Variants in AFF3 observed in about 807,000 individuals in gnomAD.
AFF3 encodes ALF transcription elongation factor 3, also known as AF4/FMR2 family member 3.
AFF3 carries 32 observed loss-of-function variants against 129.7 expected under a neutral mutation model. The ratio of observed to expected loss-of-function variants is 0.25; its 90% CI spans 0.19 to 0.33. AFF3 has a LOEUF of 0.33. Among genes scored for constraint, AFF3 ranks in the 10% least tolerant of loss-of-function variants. The probability of loss-of-function intolerance (pLI) is 1.00; values close to 1 mark genes in which losing one functional copy is unlikely to be tolerated. For synonymous variants in AFF3, 644 were observed against 635.4 expected (o/e 1.01, Z -0.20); for missense variants, 1,373 against 1,592.0 (o/e 0.86, Z 2.34).
At chr2:99,919,375 G>C (rs917528788) in intron 7 of AFF3, among the ~76,000 whole-genome samples, 7 of 152,022 alleles carry the variant, frequency 4.6e-5, no homozygotes, top group Non-Finnish European at 2.9e-5. Flanking sequence ...TATTTCTGGA[G>C]GTGTTAGTTT....
At chr2:99,973,025 A>C (rs1459062829) in intron 7 of AFF3, among the ~76,000 whole-genome samples, 1 of 152,194 alleles carries the variant, frequency 6.6e-6, no homozygotes, top group Non-Finnish European at 1.5e-5. Flanking sequence ...TGGGCATAAT[A>C]GTAGGCTTTT....
chr2:99,631,026 G>T (rs774726282), intron 13 of AFF3: 185 of 461,654 alleles, frequency 4.0e-4, no homozygotes, highest in Non-Finnish European at 7.5e-4. Flanking sequence ...CTGAAGACAG[G>T]GAAACACTGT....
At chr2:99,757,382 TA>T (rs1423567808) in intron 8 of AFF3, among the ~76,000 whole-genome samples, 3 of 152,236 alleles carry the variant, frequency 2.0e-5, no homozygotes, top group Admixed American at 2.0e-4. Context: ...CAACATCTAT[TA>T]ACTCTTCAAG....
intron 4 of AFF3, among the ~76,000 whole-genome samples, chr2:100,042,619 G>T (rs1466186127): frequency 6.6e-6 from 1 of 152,108 alleles, no homozygotes; most frequent in Admixed American, 6.5e-5. Flanking sequence ...AAAAAATTTA[G>T]CAGCTGCATA....
chr2:100,021,845 CTG>C (rs905643678), intron 4 of AFF3, among the ~76,000 whole-genome samples: 5 of 152,128 alleles, frequency 3.3e-5, no homozygotes, highest in African/African-American at 1.2e-4. Flanking sequence ...TGCATGGAAA[CTG>C]TGGATATTAA....
At chr2:99,832,118 G>A (rs370054659) in intron 8 of AFF3, among the ~76,000 whole-genome samples, 1 of 152,192 alleles carries the variant, frequency 6.6e-6, no homozygotes, top group Non-Finnish European at 1.5e-5. Context: ...CAAACGCCCC[G>A]TGAAAAGATA....
At chr2:100,069,232 C>T (rs1422260923) in intron 4 of AFF3, among the ~76,000 whole-genome samples, 1 of 152,072 alleles carries the variant, frequency 6.6e-6, no homozygotes, top group Non-Finnish European at 1.5e-5. Flanking sequence ...CAAGTGTGAC[C>T]TCCAAATCAA....
At chr2:99,833,531 G>C (rs536011133) in intron 8 of AFF3, among the ~76,000 whole-genome samples, 6 of 152,204 alleles carry the variant, frequency 3.9e-5, no homozygotes, top group African/African-American at 1.2e-4. Context: ...GTCCAAACCA[G>C]AATCTCAAAC....
intron 12 of AFF3, among the ~76,000 whole-genome samples, chr2:99,652,138 A>T (rs1252938488): frequency 6.6e-6 from 1 of 152,180 alleles, no homozygotes; most frequent in Non-Finnish European, 1.5e-5. Flanking sequence ...ATCAGTCAGG[A>T]AAGCCTTCCC....
chr2:99,680,700 A>T (rs924259924), intron 11 of AFF3, among the ~76,000 whole-genome samples: 5 of 152,218 alleles, frequency 3.3e-5, no homozygotes, highest in Admixed American at 3.3e-4. Context: ...TGAATCTGTA[A>T]GGGTCATAAC....
At chr2:99,834,936 C>G (rs1400944936) in intron 8 of AFF3, among the ~76,000 whole-genome samples, 1 of 152,184 alleles carries the variant, frequency 6.6e-6, no homozygotes, top group Non-Finnish European at 1.5e-5. Flanking sequence ...TCCAACACCT[C>G]AGACCTCTGC....
At chr2:99,987,631 T>C (rs1203441919) in intron 7 of AFF3, among the ~76,000 whole-genome samples, 1 of 152,218 alleles carries the variant, frequency 6.6e-6, no homozygotes, top group African/African-American at 2.4e-5. Context: ...TAGGTCTGCA[T>C]CCTTAATGAA....
chr2:99,946,153 A>T (rs1675537539), intron 7 of AFF3, among the ~76,000 whole-genome samples: 1 of 152,136 alleles, frequency 6.6e-6, no homozygotes, highest in Non-Finnish European at 1.5e-5. Flanking sequence ...TAAAGAGACC[A>T]CATAGGCAGT....
chr2:99,850,208 T>A (rs1690043988), intron 7 of AFF3, among the ~76,000 whole-genome samples: 1 of 152,220 alleles, frequency 6.6e-6, no homozygotes, highest in Non-Finnish European at 1.5e-5. Context: ...CTCTTCCTAC[T>A]TATAAACCTG....
At chr2:99,570,478 A>G (rs1676373164) in intron 18 of AFF3, among the ~76,000 whole-genome samples, 1 of 152,098 alleles carries the variant, frequency 6.6e-6, no homozygotes, top group Admixed American at 6.5e-5. Context: ...CTGGGACTAC[A>G]GGTGTGTGCC....
At chr2:100,037,386 G>T (rs1685005486) in intron 4 of AFF3, among the ~76,000 whole-genome samples, 1 of 137,088 alleles carries the variant, frequency 7.3e-6, no homozygotes, top group African/African-American at 2.7e-5. Context: ...ACATGTATGG[G>T]GGGTATATTT....
chr2:99,762,831 C>T (rs574261614), intron 8 of AFF3, among the ~76,000 whole-genome samples: 17 of 152,336 alleles, frequency 1.1e-4, no homozygotes, highest in African/African-American at 3.6e-4. Context: ...AAGATGCTCA[C>T]GTTGATGTTT....
intron 1 of AFF3, among the ~76,000 whole-genome samples, chr2:100,136,286 G>A (rs1692639147): frequency 6.6e-6 from 1 of 152,154 alleles, no homozygotes; most frequent in Non-Finnish European, 1.5e-5. Flanking sequence ...AGGGCCATCG[G>A]GGGACTGGGG....
chr2:99,774,842 C>T (rs1239151429), intron 8 of AFF3, among the ~76,000 whole-genome samples: 1 of 152,112 alleles, frequency 6.6e-6, no homozygotes, highest in Non-Finnish European at 1.5e-5. Flanking sequence ...GCAATCTATG[C>T]CTCTGACAAA....
Sources: gnomAD v4.1 joint callset for allele counts (sites outside exome capture counted in the v4.1 genomes callset) on GRCh38, gnomAD v4.1.1 for gene constraint, MANE v1.5 for transcripts, NCBI Gene and HGNC (gene_info 2026-07-23, HGNC 2026-07-21) for gene names.